The following CCL18 variants were observed in gnomAD, a reference collection of about 807,000 sequenced individuals.
CCL18 encodes the protein C-C motif chemokine ligand 18.
A neutral mutation model predicts 8.0 loss-of-function variants in CCL18; 7 were observed. That is an observed-to-expected ratio of 0.87 (90% CI 0.50 to 1.64). CCL18 has a LOEUF of 1.64. CCL18 is among the 40% of genes most tolerant of loss of function. The pLI, the probability that CCL18 is intolerant of heterozygous loss-of-function variation, is 0.00. For synonymous variants in CCL18, 35 were observed against 41.3 expected (o/e 0.85, Z 0.59); for missense variants, 95 against 107.8 (o/e 0.88, Z 0.52).
chr17:36,070,326 A>G (rs2066858557), intron 1 of CCL18, 121 bp from the exon 2 acceptor site: 1 of 610,988 alleles, frequency 1.6e-6, no homozygotes, highest in African/African-American at 1.9e-5. Context: ...CTTTGTCCCT[A>G]TATCCCCACC....
intron 1 of CCL18, among the ~76,000 whole-genome samples, chr17:36,068,953 G>A (rs1420772900): frequency 6.6e-6 from 1 of 152,050 alleles, no homozygotes; most frequent in East Asian, 1.9e-4. Context: ...TTGACTTTCC[G>A]GGCTGAAGCA....
At chr17:36,068,704 AGCG>A (rs2066850096) in intron 1 of CCL18, among the ~76,000 whole-genome samples, 1 of 152,194 alleles carries the variant, frequency 6.6e-6, no homozygotes, top group African/African-American at 2.4e-5. Context: ...CTGAGAAAGC[AGCG>A]GCCATTTTGG....
chr17:36,071,193 GT>G lies in CCL18; in HGVS notation c.*155del. ...GCCACATTAACTAACTTTAATCTTA[GT>G]TTATGCATCATATTTCATTTTGAAA... On this transcript the variant is annotated 3_prime_UTR_variant, in exon 3 of 3. Coordinates refer to ENST00000616054, the MANE Select transcript of CCL18 (RefSeq NM_002988.4). 1 of 576,838 alleles carries G rather than the reference GT, an allele frequency of 1.7e-6. No individual in the cohort carries two copies. The highest frequency in any genetic ancestry group is 3.1e-6 in the Non-Finnish European group (1 of 317,550). 35.7% of individuals were successfully genotyped at this position (576,838 alleles called of 1,614,324 possible). A position where few individuals can be genotyped will look rare whatever the true frequency, so the allele number is the denominator to read the frequency against.
chr17:36,070,838 T>C, intron 2 of CCL18, 113 bp from the exon 3 acceptor site: 2 of 850,676 alleles, frequency 2.4e-6, no homozygotes, highest in Non-Finnish European at 4.0e-6. Context: ...TAAGGGGAAA[T>C]TTTACGGGCA....
At chr17:36,070,852 G>C in intron 2 of CCL18, 99 bp from the exon 3 acceptor site, 1 of 921,974 alleles carries the variant, frequency 1.1e-6, no homozygotes, top group Non-Finnish European at 1.8e-6. Flanking sequence ...ACGGGCACGA[G>C]GACAGGCCCT....
At chr17:36,069,297 C>T (rs1039359419) in intron 1 of CCL18, among the ~76,000 whole-genome samples, 3 of 152,202 alleles carry the variant, frequency 2.0e-5, no homozygotes, top group Admixed American at 2.0e-4. Context: ...ACACCAGCAT[C>T]TCACCTCCTT....
Position 36,071,232 on chromosome 17 carries a change from G to T in CCL18, c.*191G>T, listed in dbSNP as rs1304234110. The stretch of plus-strand genomic sequence containing the variant: ...TTTCATTTTGAAATTGATTTCTATT[G>T]TTGAGCTGCATTATGAAATTAGTAT... On this transcript the variant is annotated 3_prime_UTR_variant, in exon 3 of 3. Coordinates refer to ENST00000616054, the MANE Select transcript of CCL18 (RefSeq NM_002988.4). 1.8e-6 allele frequency: 1 copy of T among 562,030 alleles called. No homozygotes were observed. Among genetic ancestry groups the T allele is most frequent in the Admixed American group, 3.3e-5 (1 of 30,206 alleles). The allele number at this position is 562,030 out of a possible 1,614,324, so 34.8% of individuals were successfully genotyped here. A position where few individuals can be genotyped will look rare whatever the true frequency, so the allele number is the denominator to read the frequency against.
intron 1 of CCL18, among the ~76,000 whole-genome samples, chr17:36,064,987 T>C (rs1323221205): frequency 1.3e-5 from 2 of 152,170 alleles, no homozygotes; most frequent in Non-Finnish European, 2.9e-5. Context: ...AGCTATGCTG[T>C]CTCCCTTTGC....
chr17:36,068,323 G>T (rs1364487765), intron 1 of CCL18, among the ~76,000 whole-genome samples: 3 of 150,382 alleles, frequency 2.0e-5, no homozygotes, highest in African/African-American at 7.4e-5. Flanking sequence ...ATACCAAACT[G>T]TTTTTTAAAA....
intron 1 of CCL18, among the ~76,000 whole-genome samples, chr17:36,066,713 C>T (rs2066838889): frequency 6.6e-6 from 1 of 152,206 alleles, no homozygotes; most frequent in Non-Finnish European, 1.5e-5. Flanking sequence ...AACACTTCCA[C>T]CACAGAGCAG....
chr17:36,071,111 C>A lies in CCL18; in HGVS notation c.*70C>A. On this transcript the variant is annotated 3_prime_UTR_variant, in exon 3 of 3. Transcript: ENST00000616054. ...GAGGGAACAGGAGCCTGAGCCAGGG[C>A]AATGGCCCTGCCACCCTGGAGGCTA... 1 of 1,063,406 alleles carries A rather than the reference C, an allele frequency of 9.4e-7. No homozygotes were observed. Among genetic ancestry groups the A allele is most frequent in the Non-Finnish European group, 1.4e-6 (1 of 704,180 alleles). 65.9% of individuals were successfully genotyped at this position (1,063,406 alleles called of 1,614,324 possible). A position where few individuals can be genotyped will look rare whatever the true frequency, so the allele number is the denominator to read the frequency against.
chr17:36,066,720 G>A (rs2066838943), intron 1 of CCL18, among the ~76,000 whole-genome samples: 1 of 152,210 alleles, frequency 6.6e-6, no homozygotes, highest in African/African-American at 2.4e-5. Flanking sequence ...CCACCACAGA[G>A]CAGCTCTCTA....
At chr17:36,069,320 C>T (rs2142052781) in intron 1 of CCL18, among the ~76,000 whole-genome samples, 1 of 152,330 alleles carries the variant, frequency 6.6e-6, no homozygotes, top group African/African-American at 2.4e-5. Context: ...ACTGTGGAAA[C>T]CATTTCCCCA....
intron 1 of CCL18, among the ~76,000 whole-genome samples, chr17:36,067,236 T>C (rs1274151374): frequency 6.6e-6 from 1 of 152,166 alleles, no homozygotes; most frequent in Non-Finnish European, 1.5e-5. Context: ...GTAATAGACA[T>C]GAATATGCAT....
intron 1 of CCL18, among the ~76,000 whole-genome samples, chr17:36,067,833 T>A (rs2066845385): frequency 6.6e-6 from 1 of 152,278 alleles, no homozygotes; most frequent in African/African-American, 2.4e-5. Context: ...AGTCATATGC[T>A]GCATAACAAT....
At chr17:36,066,382 G>A (rs2066837148) in intron 1 of CCL18, among the ~76,000 whole-genome samples, 1 of 152,200 alleles carries the variant, frequency 6.6e-6, no homozygotes, top group Non-Finnish European at 1.5e-5. Flanking sequence ...GAGGAGTGTA[G>A]GCAATGCCAA....
In CCL18 at chr17:36,071,122, C is replaced by A. The variant is rs1184080182; in HGVS notation, c.*81C>A. The A allele has an allele frequency of 2.2e-6, 2 of 917,386 alleles. No homozygotes were observed. The highest frequency in any genetic ancestry group is 4.4e-5 in the Admixed American group (2 of 45,974). The allele number at this position is 917,386 out of a possible 1,614,324, so 56.8% of individuals were successfully genotyped here. A position where few individuals can be genotyped will look rare whatever the true frequency, so the allele number is the denominator to read the frequency against. ...AGCCTGAGCCAGGGCAATGGCCCTG[C>A]CACCCTGGAGGCTACCTCTTCTAAG... On this transcript the variant is annotated 3_prime_UTR_variant, in exon 3 of 3. Coordinates refer to ENST00000616054, the MANE Select transcript of CCL18 (RefSeq NM_002988.4).
intron 1 of CCL18, 97 bp downstream of exon 1, chr17:36,064,506 G>A (rs2066827239): frequency 1.1e-6 from 1 of 900,912 alleles, no homozygotes; most frequent in South Asian, 1.4e-5. Context: ...GTGAAATTAG[G>A]GATCCTCAAA....
chr17:36,067,982 A>G (rs1373053704), intron 1 of CCL18, among the ~76,000 whole-genome samples: 6 of 152,234 alleles, frequency 3.9e-5, no homozygotes, highest in Admixed American at 3.9e-4. Flanking sequence ...AGTTGCCTAC[A>G]GTATTCAGTA....
Sources: allele counts gnomAD v4.1 joint callset (sites outside exome capture counted in the v4.1 genomes callset), GRCh38; gene constraint gnomAD v4.1.1; transcripts MANE v1.5; gene names NCBI Gene and HGNC (gene_info 2026-07-23, HGNC 2026-07-21).